Variants in RTL9 observed in about 807,000 individuals in gnomAD.
The protein encoded by RTL9 is retrotransposon Gag-like protein 9.
Under a neutral mutation model 44.7 loss-of-function variants are expected in RTL9, and 19 were observed. The observed-to-expected ratio is 0.42, with a 90% CI of 0.30 to 0.62. The LOEUF (loss-of-function observed/expected upper bound fraction) is 0.62, where lower values mean the gene tolerates loss of function less well. Ranked by LOEUF, RTL9 falls within the 20% of genes least tolerant of loss-of-function variation. The pLI, the probability that RTL9 is intolerant of heterozygous loss-of-function variation, is 0.16. For missense variants in RTL9, 1,105 were observed against 1,080.6 expected (o/e 1.02, Z -0.32); for synonymous variants, 407 against 398.9 (o/e 1.02, Z -0.24).
At chrX:110,391,877 G>T (rs1407659984) in intron 1 of RTL9, among the ~76,000 whole-genome samples, 1 of 111,926 alleles carries the variant, frequency 8.9e-6, no homozygotes, top group African/African-American at 3.3e-5. Flanking sequence ...CACATAGCCA[G>T]ATTTCATCCC....
intron 1 of RTL9, 111 bp downstream of exon 1, chrX:110,359,027 T>C (rs1057246000): frequency 2.7e-5 from 3 of 112,026 alleles, no homozygotes; most frequent in Non-Finnish European, 5.6e-5. Context: ...CCTTTACATC[T>C]TATAACACTT....
chrX:110,443,689 G>A (rs771770169), intron 1 of RTL9, among the ~76,000 whole-genome samples: 2 of 112,364 alleles, frequency 1.8e-5, no homozygotes, highest in East Asian at 2.8e-4. Flanking sequence ...TTGTAAACAC[G>A]ATCGGATCTG....
chrX:110,440,016 A>T (rs2068868416), intron 1 of RTL9: 1 of 110,855 alleles, frequency 9.0e-6, no homozygotes, highest in Admixed American at 9.6e-5. Context: ...TGTCCCCCGA[A>T]AGCCCCCTGC....
intron 1 of RTL9, among the ~76,000 whole-genome samples, chrX:110,371,510 T>C (rs1371357206): frequency 1.8e-5 from 2 of 111,426 alleles, no homozygotes; most frequent in East Asian, 5.6e-4. Flanking sequence ...TTTGTACCCA[T>C]TGACCATCCC....
At chrX:110,385,127 A>C (rs984408229) in intron 1 of RTL9, among the ~76,000 whole-genome samples, 3 of 111,276 alleles carry the variant, frequency 2.7e-5, no homozygotes, top group African/African-American at 9.8e-5. Context: ...TCCCAGCTCC[A>C]CCACCAACTA....
chrX:110,380,565 A>G, intron 1 of RTL9, among the ~76,000 whole-genome samples: 2 of 111,855 alleles, frequency 1.8e-5, no homozygotes, highest in Admixed American at 1.9e-4. Flanking sequence ...CAAATAACCA[A>G]TGTCACTTTT....
At chrX:110,422,679 T>C (rs978454738) in intron 1 of RTL9, among the ~76,000 whole-genome samples, 28 of 112,349 alleles carry the variant, frequency 2.5e-4, no homozygotes, top group Non-Finnish European at 4.1e-4. Context: ...ACAACCTTGT[T>C]GGGTCTCTTG....
In RTL9 at chrX:110,364,906, G is replaced by A. The variant is rs188419686; in HGVS notation, c.-168+5990G>A. On this transcript the variant is annotated intron_variant, in intron 1 of 2. Transcript: ENST00000520821. ...TGTAGTGCCAACTATATTTGTTCCT[G>A]AGCCTCAGCTCCCTGCATCAGGTCA... is the stretch of plus-strand genomic sequence containing the variant. 4.8e-3 allele frequency among the ~76,000 whole-genome samples: 540 copies of A among 112,009 alleles called. 4 individuals are homozygous for A. The highest frequency in any genetic ancestry group is 0.016 in the African/African-American group (508 of 30,844).
At chrX:110,412,987 G>A (rs1023886935) in intron 1 of RTL9, among the ~76,000 whole-genome samples, 1 of 111,910 alleles carries the variant, frequency 8.9e-6, no homozygotes, top group Non-Finnish European at 1.9e-5. Flanking sequence ...AAAAAGCTCC[G>A]TTTGGAATTC....
intron 1 of RTL9, among the ~76,000 whole-genome samples, chrX:110,361,735 A>T (rs2068264964): frequency 8.9e-6 from 1 of 112,222 alleles, no homozygotes; most frequent in Admixed American, 9.5e-5. Flanking sequence ...ATACTAGCAG[A>T]TGTTATATGT....
At chrX:110,379,148 G>C (rs1420157219) in intron 1 of RTL9, among the ~76,000 whole-genome samples, 1 of 111,561 alleles carries the variant, frequency 9.0e-6, no homozygotes, top group East Asian at 2.8e-4. Flanking sequence ...CTGCTTTTCA[G>C]TGTACCTTTC....
chrX:110,402,658 T>C (rs965957268), intron 1 of RTL9, among the ~76,000 whole-genome samples: 7 of 112,604 alleles, frequency 6.2e-5, no homozygotes, highest in Non-Finnish European at 1.3e-4. Context: ...GAGGCTGATC[T>C]CATCCTGAAA....
At chrX:110,416,979 G>C (rs920043554), upstream of RTL9, among the ~76,000 whole-genome samples, 15 of 112,375 alleles carry the variant, frequency 1.3e-4, no homozygotes, top group African/African-American at 4.9e-4. Flanking sequence ...TTTTGGGGGA[G>C]AGCTGGGTTT....
intron 1 of RTL9, among the ~76,000 whole-genome samples, chrX:110,398,528 C>T (rs2068543066): frequency 8.9e-6 from 1 of 112,406 alleles, no homozygotes; most frequent in Non-Finnish European, 1.9e-5. Flanking sequence ...ATGTTAACAT[C>T]TTACAAAATC....
rs762892443 is a variant in RTL9, at chrX:110,384,341, G to T, written c.-168+25425G>T. Among the ~76,000 whole-genome samples, 4 of 110,846 alleles carry T rather than the reference G, an allele frequency of 3.6e-5. No homozygotes were observed. In the Admixed American group the frequency reaches 3.8e-4, roughly 11 times the overall value. On this transcript the variant is annotated intron_variant, in intron 1 of 2. Transcript: ENST00000520821. ...TTGGATCTTGATTCTGCTCATAATTGTTGTATGATCTCAATCTTCCTGAGC... is the reference window on the plus strand; with the variant it reads ...TTGGATCTTGATTCTGCTCATAATTTTTGTATGATCTCAATCTTCCTGAGC...
intron 1 of RTL9, among the ~76,000 whole-genome samples, chrX:110,372,020 A>T (rs1406103024): frequency 9.0e-6 from 1 of 110,948 alleles, no homozygotes; most frequent in East Asian, 2.8e-4. Context: ...TGTACTCCCC[A>T]TTGTTAAGGT....
intron 1 of RTL9, among the ~76,000 whole-genome samples, chrX:110,407,332 G>T (rs141057207): frequency 3.8e-3 from 426 of 112,108 alleles, no homozygotes; most frequent in Non-Finnish European, 4.8e-3. Context: ...TTCAACCCAG[G>T]ATGCAGATTC....
chrX:110,364,832 T>C (rs2068286536), intron 1 of RTL9, among the ~76,000 whole-genome samples: 1 of 112,242 alleles, frequency 8.9e-6, no homozygotes, highest in Non-Finnish European at 1.9e-5. Flanking sequence ...TCTAAGAGCT[T>C]ACAGGGGGAA....
At chrX:110,423,966 A>G (rs2068737094) in intron 1 of RTL9, among the ~76,000 whole-genome samples, 1 of 112,674 alleles carries the variant, frequency 8.9e-6, no homozygotes, top group East Asian at 2.8e-4. Flanking sequence ...AAAGATGCAC[A>G]TTCATTAATT....
Sources: allele counts gnomAD v4.1 joint callset (sites outside exome capture counted in the v4.1 genomes callset), GRCh38; gene constraint gnomAD v4.1.1; transcripts MANE v1.5; gene names NCBI Gene and HGNC (gene_info 2026-07-23, HGNC 2026-07-21).